The following RPTOR variants were observed in gnomAD, a reference collection of about 807,000 sequenced individuals.
The protein encoded by RPTOR is regulatory associated protein of MTOR complex 1.
In RPTOR, 21 loss-of-function variants were observed where a neutral mutation model predicts 169.9. That is an observed-to-expected ratio of 0.12 (90% CI 0.09 to 0.18). RPTOR has a LOEUF of 0.18. Ranked by LOEUF, RPTOR falls within the 10% of genes least tolerant of loss-of-function variation. The probability of loss-of-function intolerance (pLI) is 1.00; values close to 1 mark genes in which losing one functional copy is unlikely to be tolerated. For synonymous variants in RPTOR, 732 were observed against 753.2 expected, an observed-to-expected ratio of 0.97 and a Z score of 0.46; for missense variants, 1,133 against 1,855.9, an observed-to-expected ratio of 0.61 and a Z score of 7.16.
chr17:80,883,895 G>A lies in RPTOR; in HGVS notation c.1765G>A (p.Asp589Asn), dbSNP rs1304591853. The A allele has an allele frequency of 5.0e-6, 8 of 1,613,614 alleles. No individual in the cohort carries two copies. The highest frequency in any genetic ancestry group is 6.8e-6 in the Non-Finnish European group (8 of 1,180,036). The change falls in exon 16 of 34, where the codon GAC (aspartate) becomes AAC (asparagine). Residue 589 changes from aspartate to asparagine, a missense_variant. Physicochemically the swap from Asp to Asn is conservative, Grantham distance 23. Coordinates refer to ENST00000306801, the MANE Select transcript of RPTOR (RefSeq NM_020761.3). ...ICLGRIWQNF[D>N]SARWCGVRDS... ...CCTCGGCAGGATCTGGCAGAACTTCGACTCGGCGAGGTGGTGCGGCGTGAG... is the reference window on the plus strand; with the variant it reads ...CCTCGGCAGGATCTGGCAGAACTTCAACTCGGCGAGGTGGTGCGGCGTGAG...
chr17:80,822,156 C>G (rs772967251), intron 7 of RPTOR, 45 bp from the exon 8 acceptor site: 10 of 1,579,170 alleles, frequency 6.3e-6, no homozygotes, highest in Non-Finnish European at 6.1e-6. Flanking sequence ...ATTCCCTGCT[C>G]TCAGAGCTGT....
At chr17:80,810,367 T>TA (rs2067261441) in intron 7 of RPTOR, among the ~76,000 whole-genome samples, 1 of 152,118 alleles carries the variant, frequency 6.6e-6, no homozygotes, top group Admixed American at 6.5e-5. Context: ...TCCATATAGA[T>TA]ACCAAATTGT....
chr17:80,925,231 C>A (rs996608451), intron 23 of RPTOR, 139 bp from the exon 24 acceptor site: 2 of 670,500 alleles, frequency 3.0e-6, no homozygotes, highest in Admixed American at 2.5e-5. Context: ...GTGAGCAGAG[C>A]ACAGAAGTGC....
chr17:80,548,611 C>T (rs975630817), intron 1 of RPTOR, among the ~76,000 whole-genome samples: 4 of 151,766 alleles, frequency 2.6e-5, no homozygotes, highest in East Asian at 3.9e-4. Flanking sequence ...GACCTCGGGT[C>T]GTTCACCTGC....
At chr17:80,729,979 T>A (rs1401293958) in intron 4 of RPTOR, among the ~76,000 whole-genome samples, 2 of 152,144 alleles carry the variant, frequency 1.3e-5, no homozygotes, top group Non-Finnish European at 2.9e-5. Context: ...TTTAAGGAGT[T>A]GACCAGCAGC....
Position 80,861,937 on chromosome 17 carries a change from G to T in RPTOR, c.1509+4037G>T, listed in dbSNP as rs2067921230. Among the ~76,000 whole-genome samples the T allele has an allele frequency of 6.6e-6, 1 of 152,182 alleles. No individual in the cohort carries two copies. Among genetic ancestry groups the T allele is most frequent in the Non-Finnish European group, 1.5e-5 (1 of 68,038 alleles). ...GCCCATCATGGTATTGCAGTGCAGGGCGTCTTGTTTAAAACTGGCTCTTGG... is the reference window on the plus strand; with the variant it reads ...GCCCATCATGGTATTGCAGTGCAGGTCGTCTTGTTTAAAACTGGCTCTTGG... On this transcript the variant is annotated intron_variant, in intron 13 of 33. Coordinates refer to ENST00000306801, the MANE Select transcript of RPTOR (RefSeq NM_020761.3). The surrounding 1 kb of genome is among the most constrained non-coding windows in gnomAD (Gnocchi z 4.5).
chr17:80,880,560 C>T lies in RPTOR; in HGVS notation c.1584+71C>T, dbSNP rs1056910792. On this transcript the variant is annotated intron_variant, in intron 14 of 33. Transcript: ENST00000306801. Reference sequence around the variant, plus strand: ...TCGCCTCTGCCCACACGCTGCACTGCGGTGGGGCCTTTTGACGGGGGCTAC... The same window carrying T: ...TCGCCTCTGCCCACACGCTGCACTGTGGTGGGGCCTTTTGACGGGGGCTAC... 28 of 1,400,404 alleles carry T rather than the reference C, an allele frequency of 2.0e-5. No homozygotes were observed. In the African/African-American group the frequency reaches 3.0e-4, roughly 15 times the overall value. 86.7% of individuals were successfully genotyped at this position (1,400,404 alleles called of 1,614,324 possible).
intron 3 of RPTOR, among the ~76,000 whole-genome samples, chr17:80,658,990 C>T (rs1446432169): frequency 1.3e-5 from 2 of 152,174 alleles, no homozygotes; most frequent in African/African-American, 4.8e-5. Context: ...CTGCTGATGG[C>T]CTGGACTCAG....
intron 5 of RPTOR, among the ~76,000 whole-genome samples, chr17:80,740,163 G>C (rs1295174965): frequency 3.3e-5 from 5 of 152,064 alleles, no homozygotes. Flanking sequence ...CCAATTCCTC[G>C]AAAACCCCCA....
At chr17:80,728,791 A>G (rs1393608179) in intron 4 of RPTOR, among the ~76,000 whole-genome samples, 1 of 151,960 alleles carries the variant, frequency 6.6e-6, no homozygotes, top group Non-Finnish European at 1.5e-5. Flanking sequence ...GTGAATGGAA[A>G]AAACCCAGAA....
At chr17:80,872,918 C>G (rs2068067049) in intron 13 of RPTOR, among the ~76,000 whole-genome samples, 1 of 152,160 alleles carries the variant, frequency 6.6e-6, no homozygotes, top group African/African-American at 2.4e-5. Context: ...AATCTCAGCT[C>G]AGCCTGCTGG....
chr17:80,607,433 T>A (rs979634319), intron 1 of RPTOR, among the ~76,000 whole-genome samples: 1 of 152,096 alleles, frequency 6.6e-6, no homozygotes, highest in African/African-American at 2.4e-5. Flanking sequence ...CTTCTGTATA[T>A]GTTAGCTTAC....
At chr17:80,786,084 A>G (rs992690781) in intron 6 of RPTOR, among the ~76,000 whole-genome samples, 3 of 152,178 alleles carry the variant, frequency 2.0e-5, no homozygotes, top group Non-Finnish European at 4.4e-5. Context: ...TGCCCGGACC[A>G]AGTCCTGAAG....
intron 28 of RPTOR, among the ~76,000 whole-genome samples, chr17:80,949,876 G>A (rs2069151573): frequency 6.6e-6 from 1 of 152,224 alleles, no homozygotes; most frequent in Admixed American, 6.5e-5. Flanking sequence ...CGCATCACGG[G>A]GTCCTTCTTT....
In RPTOR at chr17:80,726,575, T is replaced by G. The variant is rs1272276641; in HGVS notation, c.508-3985T>G. 2.0e-5 allele frequency among the ~76,000 whole-genome samples: 3 copies of G among 152,182 alleles called. No homozygotes were observed. The highest frequency in any genetic ancestry group is 6.5e-5 in the Admixed American group (1 of 15,280). On this transcript the variant is annotated intron_variant, in intron 4 of 33. Coordinates refer to ENST00000306801, the MANE Select transcript of RPTOR (RefSeq NM_020761.3). The surrounding 1 kb of genome is among the most constrained non-coding windows in gnomAD (Gnocchi z 4.5). ...ACATGGTGTGTTAAAATATCTTTCA[T>G]TTCATGCCACTTTGCAGCCCTGGGA...
intron 1 of RPTOR, among the ~76,000 whole-genome samples, chr17:80,583,401 G>T (rs563060924): frequency 1.3e-5 from 2 of 152,080 alleles, no homozygotes; most frequent in African/African-American, 4.8e-5. Flanking sequence ...ATGTTGGCCA[G>T]GCTGGTCCCA....
At chr17:80,715,669 T>C (rs2066233696) in intron 4 of RPTOR, among the ~76,000 whole-genome samples, 1 of 152,038 alleles carries the variant, frequency 6.6e-6, no homozygotes, top group Admixed American at 6.5e-5. Flanking sequence ...TCTTTAGTGG[T>C]AATTTGTGAG....
chr17:80,904,148 GGGAGGGC>G (rs1289488250), intron 20 of RPTOR, among the ~76,000 whole-genome samples: 1 of 152,236 alleles, frequency 6.6e-6, no homozygotes, highest in African/African-American at 2.4e-5. Flanking sequence ...CCCAGGAGGA[GGGAGGGC>G]GGAGCGGCTG....
chr17:80,867,186 C>T (rs1315087536), intron 13 of RPTOR, among the ~76,000 whole-genome samples: 1 of 151,936 alleles, frequency 6.6e-6, no homozygotes, highest in Non-Finnish European at 1.5e-5. Context: ...TTCAGGGATG[C>T]AAACCTGTTT....
Sources: gnomAD v4.1 joint callset for allele counts (sites outside exome capture counted in the v4.1 genomes callset) on GRCh38, gnomAD v4.1.1 for gene constraint, Gnocchi (gnomAD v3.1) non-coding constraint, MANE v1.5 for transcripts, NCBI Gene and HGNC (gene_info 2026-07-23, HGNC 2026-07-21) for gene names.